The following MTREX variants were observed in gnomAD, a reference collection of about 807,000 sequenced individuals.
MTREX encodes exosome RNA helicase MTR4.
Under a neutral mutation model 135.4 loss-of-function variants are expected in MTREX, and 76 were observed. That is an observed-to-expected ratio of 0.56 (90% CI 0.47 to 0.68). The LOEUF (loss-of-function observed/expected upper bound fraction) is 0.68, where lower values mean the gene tolerates loss of function less well. Ranked by LOEUF, MTREX falls within the 30% of genes least tolerant of loss-of-function variation. MTREX has a pLI of 0.00. For missense variants in MTREX, 920 were observed against 1,262.1 expected (o/e 0.73, Z 4.11); for synonymous variants, 404 against 401.6 (o/e 1.01, Z -0.07).
intron 1 of MTREX, among the ~76,000 whole-genome samples, chr5:55,310,829 A>G (rs1190340880): frequency 1.3e-5 from 2 of 152,118 alleles, no homozygotes; most frequent in Non-Finnish European, 2.9e-5. Context: ...CCCAGGCTGG[A>G]GTGCACTGGT....
intron 15 of MTREX, among the ~76,000 whole-genome samples, chr5:55,361,261 C>A (rs1187869325): frequency 6.6e-6 from 1 of 152,108 alleles, no homozygotes; most frequent in Non-Finnish European, 1.5e-5. Flanking sequence ...AATTAAAATA[C>A]GTAGCTTCTT....
At chr5:55,328,654 A>G in intron 4 of MTREX, 45 bp from the exon 5 acceptor site, 2 of 1,308,064 alleles carry the variant, frequency 1.5e-6, no homozygotes, top group Non-Finnish European at 2.2e-6. Flanking sequence ...ATGCTCTGAT[A>G]CAACTAGATG....
chr5:55,351,247 T>G (rs1287399098), intron 13 of MTREX, among the ~76,000 whole-genome samples: 1 of 152,146 alleles, frequency 6.6e-6, no homozygotes, highest in African/African-American at 2.4e-5. Flanking sequence ...AAGAATGTAG[T>G]GGTGGCAGGG....
At chr5:55,345,011 T>C in intron 9 of MTREX, 83 bp from the exon 10 acceptor site, 1 of 781,870 alleles carries the variant, frequency 1.3e-6, no homozygotes, top group East Asian at 2.7e-5. Flanking sequence ...ATTATTTTTA[T>C]TTGGGGAAGC....
At chr5:55,407,305 G>C (rs1750823209) in intron 22 of MTREX, among the ~76,000 whole-genome samples, 1 of 152,160 alleles carries the variant, frequency 6.6e-6, no homozygotes, top group Non-Finnish European at 1.5e-5. Context: ...TGTTATCACA[G>C]GATAATGTGC....
chr5:55,388,036 G>C lies in MTREX; in HGVS notation c.2115G>C (p.Glu705Asp). The change falls in exon 19 of 27, where the codon GAG (glutamate) becomes GAC (aspartate). Residue 705 changes from glutamate to aspartate, a missense_variant. Physicochemically the swap from Glu to Asp is conservative, Grantham distance 45. Around this residue, in one of 6 missense-constraint regions of MTREX, gnomAD observed 467 missense variants for 589.7 expected, o/e 0.79. Coordinates refer to ENST00000230640, the MANE Select transcript of MTREX (RefSeq NM_015360.5). Reference protein sequence around the residue: ...VVEVLLRCSKESLKNSATEAA... With the variant: ...VVEVLLRCSKDSLKNSATEAA... ...AAGTACTTCTGCGCTGTAGCAAAGA[G>C]AGCTTGAAAAATTCAGCTACAGAAG... The C allele has an allele frequency of 6.2e-7, 1 of 1,609,452 alleles. No individual in the cohort carries two copies. The highest frequency in any genetic ancestry group is 8.5e-7 in the Non-Finnish European group (1 of 1,176,760).
intron 5 of MTREX, among the ~76,000 whole-genome samples, chr5:55,338,035 C>G (rs1411351636): frequency 6.6e-6 from 1 of 151,994 alleles, no homozygotes; most frequent in Non-Finnish European, 1.5e-5. Context: ...TATATTTCAA[C>G]TACATATGCT....
chr5:55,321,934 T>C (rs1284403572), intron 1 of MTREX, among the ~76,000 whole-genome samples: 2 of 152,168 alleles, frequency 1.3e-5, no homozygotes, highest in Admixed American at 1.3e-4. Context: ...GTCACTACTT[T>C]TGACCAGCAA....
At chr5:55,333,689 T>G (rs767499261) in intron 5 of MTREX, among the ~76,000 whole-genome samples, 60 of 152,152 alleles carry the variant, frequency 3.9e-4, no homozygotes, top group Non-Finnish European at 6.5e-4. Flanking sequence ...TGGCAATTCT[T>G]CAAAAAGTTA....
chr5:55,377,560 T>G (rs953393262), intron 16 of MTREX, among the ~76,000 whole-genome samples: 2 of 152,168 alleles, frequency 1.3e-5, no homozygotes, highest in Non-Finnish European at 2.9e-5. Context: ...AAGAGATATA[T>G]TCATATCATT....
intron 5 of MTREX, 31 bp from the exon 6 acceptor site, chr5:55,339,978 AG>A: frequency 7.1e-7 from 1 of 1,412,850 alleles, no homozygotes; most frequent in Non-Finnish European, 9.3e-7. Context: ...TTAAAGGAAA[AG>A]TTGTATGATT....
At chr5:55,399,778 C>T (rs557772920) in intron 20 of MTREX, among the ~76,000 whole-genome samples, 8 of 152,304 alleles carry the variant, frequency 5.3e-5, no homozygotes, top group African/African-American at 1.9e-4. Context: ...TGAGCCACCG[C>T]GCCTGGCCCT....
intron 13 of MTREX, 76 bp downstream of exon 13, chr5:55,351,105 A>C: frequency 1.4e-6 from 2 of 1,434,592 alleles, no homozygotes; most frequent in Non-Finnish European, 1.8e-6. Context: ...AACATTGTTT[A>C]TAGGCAATAT....
At chr5:55,377,125 C>G (rs765208741) in intron 16 of MTREX, among the ~76,000 whole-genome samples, 27 of 151,826 alleles carry the variant, frequency 1.8e-4, no homozygotes, top group Non-Finnish European at 3.5e-4. Context: ...GTCAGGAGAT[C>G]GAGACCATCC....
chr5:55,411,323 A>C (rs1750881719), intron 23 of MTREX, among the ~76,000 whole-genome samples: 1 of 152,242 alleles, frequency 6.6e-6, no homozygotes, highest in South Asian at 2.1e-4. Context: ...ATAGAATGAG[A>C]ATAAGACAAG....
intron 6 of MTREX, among the ~76,000 whole-genome samples, chr5:55,341,224 A>G (rs1336847723): frequency 6.6e-6 from 1 of 152,190 alleles, no homozygotes; most frequent in Non-Finnish European, 1.5e-5. Flanking sequence ...GGAAGTATCC[A>G]TGTTGCAAGA....
intron 24 of MTREX, among the ~76,000 whole-genome samples, chr5:55,415,600 T>A (rs1750954755): frequency 6.6e-6 from 1 of 152,242 alleles, no homozygotes; most frequent in South Asian, 2.1e-4. Flanking sequence ...TGGAAAAATG[T>A]ATTTTGCTCT....
At chr5:55,355,361 C>G (rs749801191) in intron 14 of MTREX, among the ~76,000 whole-genome samples, 1 of 152,148 alleles carries the variant, frequency 6.6e-6, no homozygotes, top group Non-Finnish European at 1.5e-5. Context: ...AATGGTGAAC[C>G]CCCTGCCCTC....
At chr5:55,350,837 A>G in intron 12 of MTREX, 82 bp from the exon 13 acceptor site, 1 of 1,121,270 alleles carries the variant, frequency 8.9e-7, no homozygotes, top group Non-Finnish European at 1.3e-6. Context: ...AGCATTCTTT[A>G]CTGTTTTTCT....
Sources: allele counts gnomAD v4.1 joint callset (sites outside exome capture counted in the v4.1 genomes callset), GRCh38; gene constraint gnomAD v4.1.1; regional missense constraint gnomAD v4.1.1; transcripts MANE v1.5; gene names NCBI Gene and HGNC (gene_info 2026-07-23, HGNC 2026-07-21).